Variants in NOD1 observed in about 807,000 individuals in gnomAD.
NOD1 encodes nucleotide-binding oligomerization domain-containing protein 1.
In NOD1, 70 loss-of-function variants were observed where a neutral mutation model predicts 81.2. The ratio of observed to expected loss-of-function variants is 0.86; its 90% CI spans 0.71 to 1.05. The LOEUF is 1.05. Among genes scored for constraint, NOD1 ranks in the 50% least tolerant of loss-of-function variants. NOD1 has a pLI of 0.00. For synonymous variants in NOD1, 508 were observed against 526.9 expected (o/e 0.96, Z 0.49); for missense variants, 1,233 against 1,228.0 (o/e 1.00, Z -0.06).
chr7:30,453,210 G>C (rs1165013003), intron 5 of NOD1, among the ~76,000 whole-genome samples, 170 bp from the exon 6 acceptor site: 1 of 152,154 alleles, frequency 6.6e-6, no homozygotes, highest in South Asian at 2.1e-4. Context: ...GAGCGTCACA[G>C]AGCCAGCATT....
intron 1 of NOD1, chr7:30,475,976 C>A (rs1288811075): frequency 6.6e-6 from 1 of 152,198 alleles, no homozygotes; most frequent in Non-Finnish European, 1.5e-5. Flanking sequence ...GTGTGACATG[C>A]AACTGACTGT....
At position 30,451,627 on chromosome 7, in the gene NOD1, G is replaced by C. The variant is rs1175511649; in HGVS notation, c.1790C>G (p.Ser597Cys). The change falls in exon 6 of 14, where the codon TCC (serine) becomes TGC (cysteine). Residue 597 changes from serine to cysteine, a missense_variant. Coordinates refer to ENST00000222823, the MANE Select transcript of NOD1 (RefSeq NM_006092.4). This position sits in a 1 kb window ranked among gnomAD's most constrained non-coding sequence, Gnocchi z 4.2. ...CCGCAGGAGTTTCTGTTTGGCTTTG[G>C]ACAACAGCCCGCACAGGAAGAGGTT... ...FTNLFLCGLL[S>C]KAKQKLLRHL... 1 of 1,613,944 alleles carries C rather than the reference G, an allele frequency of 6.2e-7. No individual in the cohort carries two copies.
At chr7:30,447,179 G>C (rs1785198600) in intron 7 of NOD1, 129 bp from the exon 8 acceptor site, 3 of 1,522,642 alleles carry the variant, frequency 2.0e-6, no homozygotes, top group East Asian at 2.3e-5. Flanking sequence ...ACAGGCACCA[G>C]AGTTTAGGGC....
chr7:30,455,840 G>T (rs1786307550), intron 4 of NOD1, among the ~76,000 whole-genome samples: 1 of 152,116 alleles, frequency 6.6e-6, no homozygotes, highest in Non-Finnish European at 1.5e-5. Context: ...GACCTTAGGT[G>T]ATCTGCCTGC....
At chr7:30,449,967 C>T (rs1271764051) in intron 6 of NOD1, among the ~76,000 whole-genome samples, 3 of 152,064 alleles carry the variant, frequency 2.0e-5, no homozygotes, top group African/African-American at 7.2e-5. Flanking sequence ...CCGAGGCGGG[C>T]GGATCACCTG....
chr7:30,451,665 G>C lies in NOD1; in HGVS notation c.1752C>G (p.His584Gln). ...AREDLFKNKD[H>Q]FQFTNLFLCG... is the part of the protein sequence containing the mutation. Reference sequence around the variant, plus strand: ...ACAGGAAGAGGTTGGTGAACTGGAAGTGATCCTTGTTCTTGAAGAGGTCTT... The same window carrying C: ...ACAGGAAGAGGTTGGTGAACTGGAACTGATCCTTGTTCTTGAAGAGGTCTT... The change falls in exon 6 of 14, where the codon CAC becomes CAG. Residue 584 changes from histidine (H) to glutamine (Q), a missense_variant. His to Gln is a conservative substitution (Grantham distance 24, BLOSUM62 0). Coordinates refer to ENST00000222823, the MANE Select transcript of NOD1 (RefSeq NM_006092.4). The surrounding 1 kb of genome is among the most constrained non-coding windows in gnomAD (Gnocchi z 4.2). 6.2e-7 allele frequency: 1 copy of C among 1,613,974 alleles called. No homozygotes were observed. Among genetic ancestry groups the C allele is most frequent in the Non-Finnish European group, 8.5e-7 (1 of 1,180,044 alleles).
chr7:30,439,579 A>C (rs1784722673), intron 9 of NOD1, among the ~76,000 whole-genome samples: 1 of 80,416 alleles, frequency 1.2e-5, no homozygotes, highest in Non-Finnish European at 2.3e-5. Flanking sequence ...ACGAGACTAT[A>C]TCCCACACCT....
intron 3 of NOD1, 22 bp from the exon 4 acceptor site, chr7:30,457,064 T>C (rs1786459002): frequency 1.5e-6 from 1 of 662,922 alleles, no homozygotes; most frequent in Admixed American, 2.4e-5. Context: ...AATGACATCA[T>C]CAGCAAAGCA....
chr7:30,469,121 CTGTT>C lies in NOD1; in HGVS notation c.-351-9084_-351-9081del, dbSNP rs1002141177. ...ACAACAATCTGTGTTCTGTTGTTGT[CTGTT>C]TGTTTTTCTTGCTTGGTTTACAATT... On this transcript the variant is annotated intron_variant, in intron 1 of 13. Coordinates refer to ENST00000222823, the MANE Select transcript of NOD1 (RefSeq NM_006092.4). 1.6e-4 allele frequency: 154 copies of C among 985,428 alleles called. 1 individual carries two copies. The Middle Eastern group carries it at 3.7e-3, about 23-fold the overall frequency. 61.0% of individuals were successfully genotyped at this position (985,428 alleles called of 1,614,324 possible).
chr7:30,452,034 GCA>G lies in NOD1; in HGVS notation c.1381_1382del (p.Cys461LeufsTer48), dbSNP rs1785783641. On this transcript the variant is annotated frameshift_variant, in exon 6 of 14. Transcript: ENST00000222823. LOFTEE classifies it high-confidence loss of function. ...ETLHAGRDTLCSLGQVAHRGM... is the reference protein window; with the variant it reads ...ETLHAGRDTLXSLGQVAHRGM... ...CCCGGTGGGCCACCTGCCCCAGCGAGCACAGAGTGTCCCGGCCGGCGTGGAGG... is the reference window on the plus strand; with the variant it reads ...CCCGGTGGGCCACCTGCCCCAGCGAGCAGAGTGTCCCGGCCGGCGTGGAGG... 4.3e-6 allele frequency: 7 copies of G among 1,613,420 alleles called. No individual in the cohort carries two copies. Among genetic ancestry groups the G allele is most frequent in the Admixed American group, 1.7e-5 (1 of 60,014 alleles).
At chr7:30,450,293 C>T (rs1393334557) in intron 6 of NOD1, among the ~76,000 whole-genome samples, 6 of 152,100 alleles carry the variant, frequency 3.9e-5, no homozygotes, top group Non-Finnish European at 5.9e-5. Context: ...AGAACAGACT[C>T]CAGGTTTTCC....
In NOD1 at chr7:30,452,419, C is replaced by T. The variant is rs753274269; in HGVS notation, c.998G>A (p.Arg333His). The T allele has an allele frequency of 7.4e-6, 12 of 1,613,302 alleles. No individual in the cohort carries two copies. The Admixed American group carries it at 1.3e-4, about 18-fold the overall frequency. The change falls in exon 6 of 14, where the codon CGC (arginine) becomes CAC (histidine). Residue 333 changes from arginine (R) to histidine (H), a missense_variant. By Grantham distance (29) the Arg-to-His change is conservative. Coordinates refer to ENST00000222823, the MANE Select transcript of NOD1 (RefSeq NM_006092.4). ...CTGGCGCGGGACCTCGATGCCTGTGCGGGCTGTGAGCAGCTTGCTAGCCCC... is the reference window on the plus strand; with the variant it reads ...CTGGCGCGGGACCTCGATGCCTGTGTGGGCTGTGAGCAGCTTGCTAGCCCC... ...LKGASKLLTA[R>H]TGIEVPRQFL...
chr7:30,446,533 T>C (rs1785106853), intron 8 of NOD1: 2 of 430,706 alleles, frequency 4.6e-6, no homozygotes, highest in African/African-American at 4.0e-5. Flanking sequence ...ACCTGGGAGG[T>C]CCCACTTTGA....
Position 30,451,243 on chromosome 7 carries a change from G to A in NOD1, c.2174C>T (p.Pro725Leu). The change falls in exon 6 of 14, where the codon CCC (proline) becomes CTC (leucine). Residue 725 changes from proline (P) to leucine (L), a missense_variant. Pro to Leu is a moderately conservative substitution (Grantham distance 98). Coordinates refer to ENST00000222823, the MANE Select transcript of NOD1 (RefSeq NM_006092.4). The surrounding 1 kb of genome is among the most constrained non-coding windows in gnomAD (Gnocchi z 4.2). ...GAGAACAGTGAGGCGGCTGAAGCAG[G>A]GCTGCAGCTCCCGCACGCCGTAGTC... ...LNDYGVRELQPCFSRLTVLRL... is the reference protein window; with the variant it reads ...LNDYGVRELQLCFSRLTVLRL... 2 of 1,613,876 alleles carry A rather than the reference G, an allele frequency of 1.2e-6. No individual in the cohort carries two copies. The highest frequency in any genetic ancestry group is 1.7e-6 in the Non-Finnish European group (2 of 1,179,966).
At position 30,425,463 on chromosome 7, in the gene NOD1, G is replaced by A. The variant is rs1282197470; in HGVS notation, c.*175C>T. The stretch of plus-strand genomic sequence containing the variant: ...TGCAGAATTGTAGCGGGTACTTAGG[G>A]AGTTTGCCGACCAGACCTTCTGCAC... On this transcript the variant is annotated 3_prime_UTR_variant, in exon 14 of 14. Transcript: ENST00000222823. 24 of 622,132 alleles carry A rather than the reference G, an allele frequency of 3.9e-5. No individual in the cohort carries two copies. The highest frequency in any genetic ancestry group is 6.1e-5 in the Non-Finnish European group (21 of 344,840). 38.5% of individuals were successfully genotyped at this position (622,132 alleles called of 1,614,324 possible). A position where few individuals can be genotyped will look rare whatever the true frequency, so the allele number is the denominator to read the frequency against.
At chr7:30,446,070 A>G in intron 9 of NOD1, 71 bp downstream of exon 9, 2 of 1,205,168 alleles carry the variant, frequency 1.7e-6, no homozygotes, top group Non-Finnish European at 2.5e-6. Context: ...TGATGTATGA[A>G]AAGAACAGCA....
At chr7:30,429,067 T>C (rs929026552) in intron 13 of NOD1, among the ~76,000 whole-genome samples, 3 of 152,184 alleles carry the variant, frequency 2.0e-5, no homozygotes, top group African/African-American at 7.2e-5. Flanking sequence ...TAGGAAATCA[T>C]TTCACTGGCC....
intron 1 of NOD1, among the ~76,000 whole-genome samples, chr7:30,472,557 T>C (rs1175914094): frequency 1.3e-5 from 2 of 152,254 alleles, no homozygotes. Flanking sequence ...TATGGACTGA[T>C]GTTTATGTCC....
intron 1 of NOD1, among the ~76,000 whole-genome samples, chr7:30,470,485 A>C (rs1322124777): frequency 6.6e-6 from 1 of 152,216 alleles, no homozygotes; most frequent in Non-Finnish European, 1.5e-5. Flanking sequence ...GTGCTTCATC[A>C]TGTCCACTGA....
Sources: allele counts gnomAD v4.1 joint callset (sites outside exome capture counted in the v4.1 genomes callset), GRCh38; gene constraint gnomAD v4.1.1; non-coding constraint Gnocchi (gnomAD v3.1); transcripts MANE v1.5; gene names NCBI Gene and HGNC (gene_info 2026-07-23, HGNC 2026-07-21).